FAIM2: variants seen among roughly 807,000 people sequenced by gnomAD.
FAIM2 encodes the protein protein lifeguard 2.
Under a neutral mutation model 47.4 loss-of-function variants are expected in FAIM2, and 27 were observed. The ratio of observed to expected loss-of-function variants is 0.57; its 90% CI spans 0.42 to 0.78. The LOEUF (loss-of-function observed/expected upper bound fraction) is 0.78. Ranked by LOEUF, FAIM2 falls within the 30% of genes least tolerant of loss-of-function variation. FAIM2 has a pLI of 0.00. For missense variants in FAIM2, 311 were observed against 389.4 expected, an observed-to-expected ratio of 0.80 and a Z score of 1.69; for synonymous variants, 156 against 159.3, an observed-to-expected ratio of 0.98 and a Z score of 0.16.
intron 10 of FAIM2, among the ~76,000 whole-genome samples, chr12:49,888,405 G>T (rs1269151978): frequency 6.6e-6 from 1 of 152,184 alleles, no homozygotes; most frequent in African/African-American, 2.4e-5. Flanking sequence ...TGTGTACCAT[G>T]TGTGGCTATG....
chr12:49,901,716 T>C (rs1946983598), intron 1 of FAIM2: 1 of 159,172 alleles, frequency 6.3e-6, no homozygotes, highest in Non-Finnish European at 1.4e-5. Flanking sequence ...TAGCTGCATT[T>C]TGACCCCTGC....
At chr12:49,889,078 G>A (rs1290819634) in intron 10 of FAIM2, 29 bp downstream of exon 10, 1 of 1,553,308 alleles carries the variant, frequency 6.4e-7, no homozygotes, top group South Asian at 1.2e-5. Context: ...CCCTCCCCAT[G>A]GGGCCTGCTG....
chr12:49,879,774 A>T (rs961103841), intron 11 of FAIM2, among the ~76,000 whole-genome samples: 2 of 145,804 alleles, frequency 1.4e-5, no homozygotes, highest in Non-Finnish European at 3.0e-5. Flanking sequence ...GCACGTGTGT[A>T]TATATGTGCA....
chr12:49,890,286 A>C, intron 7 of FAIM2, 132 bp from the exon 8 acceptor site: 1 of 788,252 alleles, frequency 1.3e-6, no homozygotes, highest in Admixed American at 2.2e-5. Context: ...CCCCACACAC[A>C]CTGACTTTCG....
At chr12:49,891,167 C>G (rs1946897537) in intron 5 of FAIM2, 53 bp from the exon 6 acceptor site, 2 of 1,540,488 alleles carry the variant, frequency 1.3e-6, no homozygotes, top group African/African-American at 2.7e-5. Flanking sequence ...GGGTCCCTCC[C>G]CCAAGATCCC....
At position 49,901,444 on chromosome 12, in the gene FAIM2, G is replaced by C. The variant is rs71464982; in HGVS notation, c.16-119C>G. Reference sequence around the variant, plus strand: ...ATGGTTCCTTCCTTACCTGCACTTGGAAGCCAGGAATGCAGACAAGAATGT... The same window carrying C: ...ATGGTTCCTTCCTTACCTGCACTTGCAAGCCAGGAATGCAGACAAGAATGT... On this transcript the variant is annotated intron_variant, in intron 1 of 11. Coordinates refer to ENST00000320634, the MANE Select transcript of FAIM2 (RefSeq NM_012306.4). 78 of 726,898 alleles carry C rather than the reference G, an allele frequency of 1.1e-4. 1 individual carries two copies. Among genetic ancestry groups the C allele is most frequent in the Non-Finnish European group, 1.5e-4 (73 of 472,590 alleles). The allele number at this position is 726,898 out of a possible 1,614,324, so 45.0% of individuals were successfully genotyped here. A position where few individuals can be genotyped will look rare whatever the true frequency, so the allele number is the denominator to read the frequency against.
intron 11 of FAIM2, among the ~76,000 whole-genome samples, chr12:49,873,147 T>G (rs1946714536): frequency 6.6e-6 from 1 of 151,942 alleles, no homozygotes; most frequent in African/African-American, 2.4e-5. Context: ...CTGAGCTCAG[T>G]GGCACTGAGG....
At chr12:49,873,059 C>T (rs1259910643) in intron 11 of FAIM2, among the ~76,000 whole-genome samples, 1 of 152,150 alleles carries the variant, frequency 6.6e-6, no homozygotes, top group African/African-American at 2.4e-5. Context: ...CCTTGGGGAG[C>T]TGAGTGGCCT....
At position 49,903,830 on chromosome 12, in the gene FAIM2, G is replaced by T; in HGVS notation, c.-38C>A. 1 of 1,524,620 alleles carries T rather than the reference G, an allele frequency of 6.6e-7. No homozygotes were observed. The highest frequency in any genetic ancestry group is 8.8e-7 in the Non-Finnish European group (1 of 1,134,496). 94.4% of individuals were successfully genotyped at this position (1,524,620 alleles called of 1,614,324 possible). On this transcript the variant is annotated 5_prime_UTR_variant, in exon 1 of 12. Coordinates refer to ENST00000320634, the MANE Select transcript of FAIM2 (RefSeq NM_012306.4). Reference sequence around the variant, plus strand: ...CGGGGAAGGGGTCCCTGAGGCCCGGGTGGCCGCTTGGGTAACCGCAGCCTG... The same window carrying T: ...CGGGGAAGGGGTCCCTGAGGCCCGGTTGGCCGCTTGGGTAACCGCAGCCTG...
At chr12:49,876,329 C>T (rs12146732) in intron 11 of FAIM2, among the ~76,000 whole-genome samples, 7 of 152,170 alleles carry the variant, frequency 4.6e-5, no homozygotes, top group African/African-American at 9.7e-5. Flanking sequence ...TTACATAACT[C>T]GGTGAGTCCA....
chr12:49,899,370 C>T (rs774944135), intron 2 of FAIM2, among the ~76,000 whole-genome samples: 1 of 152,114 alleles, frequency 6.6e-6, no homozygotes, highest in Non-Finnish European at 1.5e-5. Flanking sequence ...CAAAGCTGAC[C>T]ATGGTATTGC....
In FAIM2 at chr12:49,867,330, C is replaced by G. The variant is rs770459843; in HGVS notation, c.*3174G>C. The G allele has an allele frequency of 6.6e-6, 1 of 152,320 alleles. No individual in the cohort carries two copies. The highest frequency in any genetic ancestry group is 1.5e-5 in the Non-Finnish European group (1 of 68,142). The allele number at this position is 152,320 out of a possible 1,614,324, so 9.4% of individuals were successfully genotyped here. A position where few individuals can be genotyped will look rare whatever the true frequency, so the allele number is the denominator to read the frequency against. ...AAGTGCTTATGCAAAAATCCCACCC[C>G]GCCCAGGAGAGCAGCCAGGACACCT... On this transcript the variant is annotated 3_prime_UTR_variant, in exon 12 of 12. Transcript: ENST00000320634.
chr12:49,881,231 C>T (rs1241449471), intron 11 of FAIM2, among the ~76,000 whole-genome samples: 2 of 152,138 alleles, frequency 1.3e-5, no homozygotes, highest in South Asian at 2.1e-4. Flanking sequence ...GGTCTCCCAG[C>T]CTCTGGTCTG....
At chr12:49,876,329 C>A (rs12146732) in intron 11 of FAIM2, among the ~76,000 whole-genome samples, 3,251 of 152,286 alleles carry the variant, frequency 0.021, 52 homozygotes, top group Middle Eastern at 0.041. Flanking sequence ...TTACATAACT[C>A]GGTGAGTCCA....
At chr12:49,887,268 C>T (rs893727046) in intron 11 of FAIM2, 118 bp downstream of exon 11, 16 of 910,996 alleles carry the variant, frequency 1.8e-5, no homozygotes, top group Middle Eastern at 2.3e-4. Flanking sequence ...TAGCCCTACC[C>T]GCAGGTGCTC....
intron 1 of FAIM2, 58 bp downstream of exon 1, chr12:49,903,720 G>A: frequency 6.5e-7 from 1 of 1,549,088 alleles, no homozygotes; most frequent in East Asian, 2.4e-5. Flanking sequence ...TGCTGAGGAT[G>A]ACAGGGAGCC....
intron 8 of FAIM2, 76 bp downstream of exon 8, chr12:49,890,041 C>A: frequency 6.9e-7 from 1 of 1,455,656 alleles, no homozygotes; most frequent in Non-Finnish European, 9.6e-7. Context: ...TGTGGGGCAG[C>A]TCCCCTCGGG....
intron 9 of FAIM2, 29 bp downstream of exon 9, chr12:49,889,452 G>T (rs765057686): frequency 2.5e-6 from 4 of 1,599,406 alleles, no homozygotes; most frequent in Non-Finnish European, 3.4e-6. Context: ...TCAGGCCAGG[G>T]GTCCCTGCCT....
chr12:49,878,066 A>G (rs111155246), intron 11 of FAIM2, among the ~76,000 whole-genome samples: 35 of 79,272 alleles, frequency 4.4e-4, no homozygotes, highest in East Asian at 1.4e-3. Context: ...ATGTGCGTGT[A>G]TGTGTGTTTA....
Sources: allele counts gnomAD v4.1 joint callset (sites outside exome capture counted in the v4.1 genomes callset), GRCh38; gene constraint gnomAD v4.1.1; transcripts MANE v1.5; gene names NCBI Gene and HGNC (gene_info 2026-07-23, HGNC 2026-07-21).